MARK3: variants seen among roughly 807,000 people sequenced by gnomAD.
The protein encoded by MARK3 is MAP/microtubule affinity-regulating kinase 3.
In MARK3, 46 loss-of-function variants were observed where a neutral mutation model predicts 90.1. The ratio of observed to expected loss-of-function variants is 0.51; its 90% confidence interval spans 0.40 to 0.65. MARK3 has a LOEUF of 0.65. Ranked by LOEUF, MARK3 falls within the 30% of genes least tolerant of loss-of-function variation. MARK3 has a pLI of 0.00. For synonymous variants in MARK3, 321 were observed against 332.6 expected (o/e 0.97, Z 0.38); for missense variants, 818 against 947.2 (o/e 0.86, Z 1.79).
At chr14:103,387,354 T>C (rs932341078) in intron 1 of MARK3, among the ~76,000 whole-genome samples, 3 of 152,354 alleles carry the variant, frequency 2.0e-5, no homozygotes, top group Non-Finnish European at 2.9e-5. Flanking sequence ...AGAACAGTGA[T>C]GTACCTTTCT....
At chr14:103,403,103 G>A (rs1162614427) in intron 1 of MARK3, among the ~76,000 whole-genome samples, 1 of 135,258 alleles carries the variant, frequency 7.4e-6, no homozygotes, top group African/African-American at 2.7e-5. Context: ...GACCCAATTA[G>A]TATGATCAGC....
chr14:103,388,748 T>A (rs1446532487), intron 1 of MARK3, among the ~76,000 whole-genome samples: 1 of 152,222 alleles, frequency 6.6e-6, no homozygotes, highest in Non-Finnish European at 1.5e-5. Flanking sequence ...TTTTCTAGGA[T>A]GCTATGTAAA....
At chr14:103,488,158 C>A (rs981628660) in intron 14 of MARK3, among the ~76,000 whole-genome samples, 5 of 152,188 alleles carry the variant, frequency 3.3e-5, no homozygotes, top group Admixed American at 6.5e-5. Context: ...AGAACTGTCT[C>A]TGTTGCAGGT....
At chr14:103,395,366 T>TA (rs60514700) in intron 1 of MARK3, among the ~76,000 whole-genome samples, 1 of 151,294 alleles carries the variant, frequency 6.6e-6, no homozygotes, top group Admixed American at 6.6e-5. Context: ...AATAACATCA[T>TA]TCAAGTTGTG....
At chr14:103,476,152 T>G (rs569492692) in intron 13 of MARK3, among the ~76,000 whole-genome samples, 1 of 152,246 alleles carries the variant, frequency 6.6e-6, no homozygotes, top group East Asian at 1.9e-4. Flanking sequence ...TTCCAGTTAT[T>G]TCGGACACCT....
At chr14:103,441,634 A>G (rs775246906) in intron 3 of MARK3, 7 of 152,110 alleles carry the variant, frequency 4.6e-5, no homozygotes, top group Non-Finnish European at 8.8e-5. Flanking sequence ...GGTCATAAAC[A>G]TATTTTTCTC....
At chr14:103,440,341 A>C (rs1030183605) in intron 3 of MARK3, among the ~76,000 whole-genome samples, 1 of 152,242 alleles carries the variant, frequency 6.6e-6, no homozygotes. Context: ...CTTGTATCAC[A>C]GAGTCTGTCT....
intron 1 of MARK3, among the ~76,000 whole-genome samples, chr14:103,403,968 A>G (rs1256491109): frequency 2.0e-5 from 3 of 152,250 alleles, no homozygotes; most frequent in Non-Finnish European, 4.4e-5. Context: ...AACTGAGTAA[A>G]ACAGACAAGA....
intron 2 of MARK3, chr14:103,412,124 A>T (rs917616784): frequency 1.3e-5 from 16 of 1,231,672 alleles, no homozygotes; most frequent in Non-Finnish European, 1.4e-5. Context: ...ATGCCTTAAT[A>T]TAGGCGCTGG....
chr14:103,485,181 G>C (rs2093904470), intron 14 of MARK3, among the ~76,000 whole-genome samples: 1 of 139,960 alleles, frequency 7.1e-6, no homozygotes, highest in Non-Finnish European at 1.5e-5. Context: ...GGTGAGCCAA[G>C]ATTGCACCAT....
chr14:103,428,478 T>G, intron 3 of MARK3, 38 bp downstream of exon 3: 2 of 1,208,898 alleles, frequency 1.7e-6, no homozygotes, highest in Non-Finnish European at 2.3e-6. Context: ...TTTAAAAAAT[T>G]ATCGGTGCTA....
chr14:103,461,548 A>C (rs147434844), intron 6 of MARK3, among the ~76,000 whole-genome samples: 1 of 152,314 alleles, frequency 6.6e-6, no homozygotes, highest in Non-Finnish European at 1.5e-5. Context: ...CATTTTAATA[A>C]AGGAAGAGGA....
At chr14:103,493,972 G>A (rs1416068853) in intron 15 of MARK3, among the ~76,000 whole-genome samples, 1 of 151,444 alleles carries the variant, frequency 6.6e-6, no homozygotes, top group East Asian at 1.9e-4. Flanking sequence ...GATGGCTCAT[G>A]CCTGTAATCT....
At chr14:103,462,503 G>GC in intron 7 of MARK3, 42 bp downstream of exon 7, 1 of 1,475,582 alleles carries the variant, frequency 6.8e-7, no homozygotes, top group Non-Finnish European at 9.4e-7. Context: ...CTGTCTGTTT[G>GC]TGTGCAGTTC....
At chr14:103,452,139 T>G (rs1566868305) in intron 5 of MARK3, 156 bp downstream of exon 5, 1 of 537,240 alleles carries the variant, frequency 1.9e-6, no homozygotes, top group South Asian at 2.8e-5. Context: ...CTCTTAGCAC[T>G]TCTAGGGGTT....
intron 6 of MARK3, among the ~76,000 whole-genome samples, chr14:103,459,226 C>T (rs937281196): frequency 6.6e-6 from 1 of 152,174 alleles, no homozygotes; most frequent in Non-Finnish European, 1.5e-5. Flanking sequence ...TGGTGTCACC[C>T]AGCAAGAGCT....
At chr14:103,474,489 C>G (rs2093683619) in intron 12 of MARK3, among the ~76,000 whole-genome samples, 1 of 152,188 alleles carries the variant, frequency 6.6e-6, no homozygotes, top group Non-Finnish European at 1.5e-5. Flanking sequence ...GCTTCTACAC[C>G]TTCCCCTGTC....
intron 2 of MARK3, among the ~76,000 whole-genome samples, chr14:103,407,094 T>C (rs547323985): frequency 1.3e-5 from 2 of 152,012 alleles, no homozygotes; most frequent in East Asian, 3.9e-4. Flanking sequence ...CCTCCCACAG[T>C]GCTGGGATTA....
At chr14:103,467,878 G>A (rs1454425613) in intron 11 of MARK3, 155 bp from the exon 12 acceptor site, 1 of 600,810 alleles carries the variant, frequency 1.7e-6, no homozygotes, top group East Asian at 3.1e-5. Flanking sequence ...AACTACTTTT[G>A]CTTGAGTTTA....
Sources: allele counts gnomAD v4.1 joint callset (sites outside exome capture counted in the v4.1 genomes callset), GRCh38; gene constraint gnomAD v4.1.1; transcripts MANE v1.5; gene names NCBI Gene and HGNC (gene_info 2026-07-23, HGNC 2026-07-21).